HDAC9: variants seen among roughly 807,000 people sequenced by gnomAD.
HDAC9 encodes MEF-2 interacting transcription repressor (MITR) protein.
A neutral mutation model predicts 139.4 loss-of-function variants in HDAC9; 41 were observed. That is an observed-to-expected ratio of 0.29 (90% CI 0.23 to 0.38). HDAC9 has a LOEUF of 0.38. Among genes scored for constraint, HDAC9 ranks in the 10% least tolerant of loss-of-function variants. HDAC9 has a pLI of 1.00. For synonymous variants in HDAC9, 517 were observed against 476.2 expected (o/e 1.09, Z -1.12); for missense variants, 1,147 against 1,297.0 (o/e 0.88, Z 1.78).
intron 22 of HDAC9, among the ~76,000 whole-genome samples, chr7:18,911,415 C>A (rs866480172): frequency 4.6e-5 from 7 of 151,440 alleles, no homozygotes; most frequent in Admixed American, 6.6e-5. Flanking sequence ...GATCTCGTCT[C>A]CTTTTCTTAG....
chr7:18,384,939 CT>C (rs1562939456), intron 1 of HDAC9, among the ~76,000 whole-genome samples: 1 of 152,016 alleles, frequency 6.6e-6, no homozygotes, highest in East Asian at 1.9e-4. Flanking sequence ...GGATGTTAGG[CT>C]TTTGAGACAA....
intron 21 of HDAC9, among the ~76,000 whole-genome samples, chr7:18,872,001 A>T (rs556098484): frequency 6.6e-6 from 1 of 152,310 alleles, no homozygotes; most frequent in African/African-American, 2.4e-5. Context: ...AATGAACCTT[A>T]CCAATGTCAC....
At chr7:18,466,373 T>A (rs1329221536) in intron 1 of HDAC9, among the ~76,000 whole-genome samples, 1 of 152,170 alleles carries the variant, frequency 6.6e-6, no homozygotes, top group African/African-American at 2.4e-5. Flanking sequence ...ATTTTTGTAT[T>A]TTTAATGGAG....
At chr7:18,940,067 C>A (rs1207633005) in intron 23 of HDAC9, among the ~76,000 whole-genome samples, 1 of 152,126 alleles carries the variant, frequency 6.6e-6, no homozygotes, top group East Asian at 1.9e-4. Context: ...CATGTCAATA[C>A]AGCAAAATTT....
chr7:18,432,324 G>C (rs529804304), intron 1 of HDAC9, among the ~76,000 whole-genome samples: 1 of 152,246 alleles, frequency 6.6e-6, no homozygotes, highest in South Asian at 2.1e-4. Flanking sequence ...TTACCTGTCT[G>C]TTTCTTCTAA....
At chr7:18,498,501 C>T (rs1797528627) in intron 2 of HDAC9, among the ~76,000 whole-genome samples, 1 of 152,094 alleles carries the variant, frequency 6.6e-6, no homozygotes, top group Non-Finnish European at 1.5e-5. Context: ...GTCCTTTGAG[C>T]TAACTGCTAA....
chr7:18,440,377 G>A (rs902230116), intron 1 of HDAC9, among the ~76,000 whole-genome samples: 1 of 151,750 alleles, frequency 6.6e-6, no homozygotes, highest in South Asian at 2.1e-4. Context: ...TAGAGGCGGG[G>A]TTTCTCCATG....
At chr7:18,584,899 T>C (rs1056235917) in intron 2 of HDAC9, among the ~76,000 whole-genome samples, 1 of 151,172 alleles carries the variant, frequency 6.6e-6, no homozygotes, top group Non-Finnish European at 1.5e-5. Flanking sequence ...GTGGAAGTTC[T>C]CTCTTAGGGC....
chr7:18,815,500 A>C (rs1301518885), intron 17 of HDAC9, among the ~76,000 whole-genome samples: 2 of 152,248 alleles, frequency 1.3e-5, no homozygotes, highest in Non-Finnish European at 2.9e-5. Context: ...CTTAAATTAC[A>C]TGCAATAGAA....
In HDAC9 at chr7:18,303,539, G is replaced by A. The variant is rs1037003355; in HGVS notation, c.-42+13024G>A. Among the ~76,000 whole-genome samples the A allele has an allele frequency of 3.3e-5, 5 of 152,042 alleles. No homozygotes were observed. The East Asian group carries it at 5.8e-4, about 18-fold the overall frequency. On this transcript the variant is annotated intron_variant, in intron 1 of 3. Transcript: ENST00000413509. ...TGGGATTAAAGGCTTGAACCACCGC[G>A]CCCGGCCGGAATGAGACTCTTACAT...
chr7:18,406,317 C>A (rs1040560815), intron 1 of HDAC9, among the ~76,000 whole-genome samples: 2 of 152,064 alleles, frequency 1.3e-5, no homozygotes, highest in African/African-American at 4.8e-5. Context: ...TTTGCAATTA[C>A]TTTTAATGGC....
chr7:18,112,021 A>G (rs1783650975), intron 1 of HDAC9, among the ~76,000 whole-genome samples: 1 of 152,260 alleles, frequency 6.6e-6, no homozygotes, highest in Non-Finnish European at 1.5e-5. Flanking sequence ...AGTAAAAATT[A>G]AAGTATGTAC....
chr7:18,693,105 G>A (rs1431460583), intron 12 of HDAC9, among the ~76,000 whole-genome samples: 1 of 151,434 alleles, frequency 6.6e-6, no homozygotes, highest in Non-Finnish European at 1.5e-5. Context: ...ACTTTAAAAA[G>A]AAAAAAATTT....
At chr7:18,225,564 T>G (rs1584729181) in intron 2 of HDAC9, among the ~76,000 whole-genome samples, 2 of 152,158 alleles carry the variant, frequency 1.3e-5, no homozygotes, top group African/African-American at 4.8e-5. Flanking sequence ...TAGAGACAAA[T>G]CTTACAAGAA....
At chr7:18,697,708 T>A (rs574073074) in intron 12 of HDAC9, among the ~76,000 whole-genome samples, 94 of 152,300 alleles carry the variant, frequency 6.2e-4, no homozygotes, top group Non-Finnish European at 4.4e-5. Context: ...ATGGGACCTG[T>A]GAGGAAATTC....
chr7:18,199,658 T>C (rs1461784530), intron 2 of HDAC9, among the ~76,000 whole-genome samples: 1 of 147,690 alleles, frequency 6.8e-6, no homozygotes, highest in African/African-American at 2.5e-5. Context: ...GGTGGCATGC[T>C]GAAGTCCCAA....
At chr7:18,168,412 T>C (rs80297673) in intron 2 of HDAC9, among the ~76,000 whole-genome samples, 7,152 of 152,324 alleles carry the variant, frequency 0.047, 188 homozygotes, top group Non-Finnish European at 0.059. Flanking sequence ...TGCTAGACTA[T>C]ATATTTTCTT....
intron 1 of HDAC9, chr7:18,327,734 A>G (rs1224457169): frequency 6.6e-6 from 1 of 152,006 alleles, no homozygotes; most frequent in African/African-American, 2.4e-5. Flanking sequence ...ATAAATGGCA[A>G]AATATAATAT....
At chr7:18,757,699 C>T (rs1789004122) in intron 14 of HDAC9, among the ~76,000 whole-genome samples, 1 of 151,958 alleles carries the variant, frequency 6.6e-6, no homozygotes, top group Non-Finnish European at 1.5e-5. Flanking sequence ...TTTCCCTGCT[C>T]CTTGGCAGAA....
Sources: gnomAD v4.1 joint callset for allele counts (sites outside exome capture counted in the v4.1 genomes callset) on GRCh38, gnomAD v4.1.1 for gene constraint, MANE v1.5 for transcripts, NCBI Gene and HGNC (gene_info 2026-07-23, HGNC 2026-07-21) for gene names.